Variants in CD2AP observed in about 807,000 individuals in gnomAD.
CD2AP encodes CD2-associated protein.
A neutral mutation model predicts 85.1 loss-of-function variants in CD2AP; 46 were observed. That is an observed-to-expected ratio of 0.54 (90% CI 0.43 to 0.69). The LOEUF is 0.69. CD2AP is among the 30% of genes least tolerant of loss of function. The probability of loss-of-function intolerance (pLI) is 0.00; values close to 1 mark genes in which losing one functional copy is unlikely to be tolerated. For synonymous variants in CD2AP, 255 were observed against 252.9 expected (o/e 1.01, Z -0.08); for missense variants, 769 against 729.5 (o/e 1.05, Z -0.62).
chr6:47,605,849 A>T (rs748066535), intron 13 of CD2AP, among the ~76,000 whole-genome samples: 11 of 152,030 alleles, frequency 7.2e-5, no homozygotes, highest in Middle Eastern at 3.2e-3. Context: ...TTTTTATGCT[A>T]CTACAGTTTG....
At chr6:47,569,156 ATTTGT>A (rs1215173204) in intron 5 of CD2AP, among the ~76,000 whole-genome samples, 3 of 152,076 alleles carry the variant, frequency 2.0e-5, no homozygotes, top group African/African-American at 7.2e-5. Flanking sequence ...TATATTCAAG[ATTTGT>A]TTTGTTCTTT....
chr6:47,544,954 G>A (rs1270179316), intron 4 of CD2AP: 3 of 348,738 alleles, frequency 8.6e-6, no homozygotes, highest in Non-Finnish European at 1.6e-5. Context: ...ACGTAAACAA[G>A]CCTTTTCTTT....
At chr6:47,592,205 G>T (rs72871200) in intron 11 of CD2AP, among the ~76,000 whole-genome samples, 11,709 of 151,968 alleles carry the variant, frequency 0.077, 464 homozygotes, top group South Asian at 0.13. Context: ...AGCTAACATA[G>T]AACTTTTTTT....
In CD2AP at chr6:47,579,405, G is replaced by A. The variant is rs1224603280; in HGVS notation, c.924G>A (p.Trp308Ter). The A allele has an allele frequency of 6.2e-7, 1 of 1,611,526 alleles. No individual in the cohort carries two copies. ...LISKETGEAG[W>*]WRGELNGKEG... ...TTTAGGAGACTGGAGAAGCTGGCTG[G>A]TGGAGGGGCGAACTTAATGGTAAAG... is the stretch of plus-strand genomic sequence containing the variant. Residue 308 changes from tryptophan to a stop codon, truncating the protein, a stop_gained, in exon 9 of 18, where the codon TGG becomes TGA. Coordinates refer to ENST00000359314, the MANE Select transcript of CD2AP (RefSeq NM_012120.3). LOFTEE classifies it high-confidence loss of function.
intron 16 of CD2AP, among the ~76,000 whole-genome samples, chr6:47,612,111 G>A (rs183078055): frequency 2.6e-4 from 39 of 152,174 alleles, no homozygotes; most frequent in African/African-American, 5.8e-4. Flanking sequence ...GCCTTGTATT[G>A]TGATGTGTTG....
chr6:47,566,323 T>TATATATATACACACAC, intron 5 of CD2AP, among the ~76,000 whole-genome samples: 73 of 108,430 alleles, frequency 6.7e-4, no homozygotes, highest in Admixed American at 1.3e-3. Context: ...TATATATATA[T>TATATATATACACACAC]ACACATACAC....
In CD2AP at chr6:47,533,697, C is replaced by G. The variant is rs771506855; in HGVS notation, c.261C>G (p.Thr87=). The change falls in exon 3 of 18, where the codon ACC becomes ACG. Residue 87 remains threonine (T), a synonymous_variant. Coordinates refer to ENST00000359314, the MANE Select transcript of CD2AP (RefSeq NM_012120.3). ...NVASLVQRIS[T]YGLPAGGIQP... ...CAAGTCTTGTACAACGAATAAGCACCTATGGACTTCCAGCTGGAGGAATTC... is the reference window on the plus strand; with the variant it reads ...CAAGTCTTGTACAACGAATAAGCACGTATGGACTTCCAGCTGGAGGAATTC... 2.5e-6 allele frequency: 4 copies of G among 1,613,960 alleles called. No homozygotes were observed. In the African/African-American group the frequency reaches 4.0e-5, roughly 16 times the overall value.
intron 2 of CD2AP, among the ~76,000 whole-genome samples, chr6:47,505,696 G>A (rs1166939014): frequency 9.6e-5 from 7 of 72,800 alleles, no homozygotes; most frequent in Middle Eastern, 0.011. Context: ...TCTCCCTCCC[G>A]GACGGGGTGG....
intron 2 of CD2AP, among the ~76,000 whole-genome samples, chr6:47,523,289 A>G (rs893111086): frequency 1.2e-4 from 18 of 152,118 alleles, no homozygotes; most frequent in Non-Finnish European, 2.4e-4. Flanking sequence ...TATTAAATGG[A>G]AGACAAGTTT....
rs148969035 is a variant in CD2AP, at chr6:47,514,745, A to G, written c.165+11305A>G. Among the ~76,000 whole-genome samples, 382 of 152,274 alleles carry G rather than the reference A, an allele frequency of 2.5e-3. 1 individual carries two copies. Among genetic ancestry groups the G allele is most frequent in the African/African-American group, 8.5e-3 (353 of 41,556 alleles). On this transcript the variant is annotated intron_variant, in intron 2 of 17. Coordinates refer to ENST00000359314, the MANE Select transcript of CD2AP (RefSeq NM_012120.3). Reference sequence around the variant, plus strand: ...CAGAATCTTTGAAAAAATGTCTTTCAGAAAGGGGATTAAAAGTAAAACTAG... The same window carrying G: ...CAGAATCTTTGAAAAAATGTCTTTCGGAAAGGGGATTAAAAGTAAAACTAG...
At chr6:47,610,979 T>A (rs1303316093) in intron 16 of CD2AP, among the ~76,000 whole-genome samples, 13 of 95,386 alleles carry the variant, frequency 1.4e-4, no homozygotes, top group South Asian at 3.1e-4. Context: ...GTATTTTTTT[T>A]TTTTTTTGAA....
At chr6:47,609,969 T>A (rs1769386544) in intron 16 of CD2AP, among the ~76,000 whole-genome samples, 1 of 152,186 alleles carries the variant, frequency 6.6e-6, no homozygotes, top group Admixed American at 6.6e-5. Context: ...GATCACTGTT[T>A]CTGTGAGGTT....
chr6:47,488,283 T>C (rs1293703886), intron 1 of CD2AP, among the ~76,000 whole-genome samples: 2 of 152,124 alleles, frequency 1.3e-5, no homozygotes, highest in Non-Finnish European at 2.9e-5. Flanking sequence ...AAGAGTTTGT[T>C]CAAAATAACT....
In CD2AP at chr6:47,603,536, T is replaced by C. The variant is rs1257873648; in HGVS notation, c.1418-2629T>C. On this transcript the variant is annotated intron_variant, in intron 13 of 17. Transcript: ENST00000359314. ...ACAGGACTTTCTGGCTTAATGCATA[T>C]TGAAATTAATACTAATATTAATTTT... Among the ~76,000 whole-genome samples, 12 of 152,200 alleles carry C rather than the reference T, an allele frequency of 7.9e-5. 1 individual carries two copies. The South Asian group carries it at 1.2e-3, about 16-fold the overall frequency.
chr6:47,560,074 C>T (rs1582559348), intron 5 of CD2AP, among the ~76,000 whole-genome samples: 1 of 150,140 alleles, frequency 6.7e-6, no homozygotes, highest in Non-Finnish European at 1.5e-5. Flanking sequence ...AACTCCAGTA[C>T]AGTGATTTAT....
chr6:47,481,123 G>A (rs1210258159), intron 1 of CD2AP, among the ~76,000 whole-genome samples: 4 of 152,120 alleles, frequency 2.6e-5, no homozygotes, highest in East Asian at 1.9e-4. Flanking sequence ...AATACAGATC[G>A]GCATTTTGGA....
chr6:47,504,125 C>G (rs1220554857), intron 2 of CD2AP, among the ~76,000 whole-genome samples: 1 of 152,092 alleles, frequency 6.6e-6, no homozygotes, highest in Non-Finnish European at 1.5e-5. Context: ...TTATAAAATT[C>G]TCAGTAGTTT....
At chr6:47,491,963 T>C (rs1765746712) in intron 1 of CD2AP, among the ~76,000 whole-genome samples, 1 of 152,192 alleles carries the variant, frequency 6.6e-6, no homozygotes, top group African/African-American at 2.4e-5. Flanking sequence ...TTTTAAGTAA[T>C]GTACTTTACT....
At chr6:47,610,114 A>G (rs1315402497) in intron 16 of CD2AP, among the ~76,000 whole-genome samples, 1 of 152,128 alleles carries the variant, frequency 6.6e-6, no homozygotes. Flanking sequence ...TAGAGCTAAA[A>G]CAAATTTACA....
Sources: gnomAD v4.1 joint callset for allele counts (sites outside exome capture counted in the v4.1 genomes callset) on GRCh38, gnomAD v4.1.1 for gene constraint, MANE v1.5 for transcripts, NCBI Gene and HGNC (gene_info 2026-07-23, HGNC 2026-07-21) for gene names.